Variants in VPS13C observed in about 807,000 individuals in gnomAD.
The protein encoded by VPS13C is vacuolar protein sorting 13 homolog C, also known as intermembrane lipid transfer protein VPS13C.
A neutral mutation model predicts 456.8 loss-of-function variants in VPS13C; 358 were observed. The observed-to-expected ratio is 0.78, with a 90% CI of 0.72 to 0.86. The LOEUF (loss-of-function observed/expected upper bound fraction) is 0.86, where lower values mean the gene tolerates loss of function less well. VPS13C is among the 40% of genes least tolerant of loss of function. The pLI is 0.00. For missense variants in VPS13C, 4,818 were observed against 4,385.4 expected (o/e 1.10, Z -2.79); for synonymous variants, 1,578 against 1,486.7 (o/e 1.06, Z -1.41).
intron 82 of VPS13C, among the ~76,000 whole-genome samples, chr15:61,862,812 T>C (rs1446925660): frequency 1.3e-5 from 2 of 152,184 alleles, no homozygotes; most frequent in East Asian, 1.9e-4. Flanking sequence ...AGGAATCTAA[T>C]GCAGATTTTG....
chr15:61,910,362 G>T, intron 63 of VPS13C, 57 bp from the exon 64 acceptor site: 1 of 1,263,084 alleles, frequency 7.9e-7, no homozygotes, highest in South Asian at 2.4e-5. Flanking sequence ...TAATAAATAA[G>T]ACATTACCTA....
At chr15:61,897,686 T>C (rs967118375) in intron 66 of VPS13C, among the ~76,000 whole-genome samples, 2 of 152,046 alleles carry the variant, frequency 1.3e-5, no homozygotes, top group African/African-American at 4.8e-5. Flanking sequence ...CTGCAGGATA[T>C]TATCCAGGAG....
At chr15:62,048,353 G>T (rs1210351997) in intron 1 of VPS13C, among the ~76,000 whole-genome samples, 1 of 147,444 alleles carries the variant, frequency 6.8e-6, no homozygotes, top group African/African-American at 2.5e-5. Context: ...AACATGTGGT[G>T]TTTGGTTTTT....
intron 45 of VPS13C, among the ~76,000 whole-genome samples, chr15:61,944,784 C>T (rs2044548932): frequency 6.6e-6 from 1 of 152,018 alleles, no homozygotes. Context: ...GTTGGATTAT[C>T]AACTGAAATT....
intron 52 of VPS13C, among the ~76,000 whole-genome samples, chr15:61,926,884 G>A (rs770412045): frequency 6.6e-6 from 1 of 152,104 alleles, no homozygotes; most frequent in African/African-American, 2.4e-5. Context: ...AAATAAAACC[G>A]TTCTGAAGGT....
chr15:62,008,086 G>C (rs183477604), intron 14 of VPS13C, among the ~76,000 whole-genome samples: 129 of 152,210 alleles, frequency 8.5e-4, no homozygotes, highest in African/African-American at 2.9e-3. Flanking sequence ...ACAAAAATTA[G>C]CCAGGCGTGG....
Position 61,954,474 on chromosome 15 carries a change from C to A in VPS13C, c.4246G>T (p.Glu1416Ter). Residue 1416 changes from glutamate to a stop codon, truncating the protein, a stop_gained, in exon 38 of 85, where the codon GAA becomes TAA. Transcript: ENST00000644861. LOFTEE classifies it high-confidence loss of function. ...SKNTLTTGVE[E>*]IRSVDIINML... ...TTAATGATGTCTACAGACCTAATTT[C>A]TTCCACTCCAGTTGTTAAAGTATTT... 6.2e-7 allele frequency: 1 copy of A among 1,609,612 alleles called. No individual in the cohort carries two copies. Among genetic ancestry groups the A allele is most frequent in the Non-Finnish European group, 8.5e-7 (1 of 1,178,194 alleles).
At chr15:62,002,192 C>G (rs1049398594) in intron 15 of VPS13C, among the ~76,000 whole-genome samples, 9 of 152,160 alleles carry the variant, frequency 5.9e-5, no homozygotes, top group Admixed American at 5.9e-4. Context: ...TGTTTCCTGA[C>G]GTTTTAATGA....
chr15:61,954,586 A>C, intron 37 of VPS13C, 32 bp from the exon 38 acceptor site: 1 of 1,558,812 alleles, frequency 6.4e-7, no homozygotes, highest in Non-Finnish European at 8.6e-7. Flanking sequence ...CATTACTTTT[A>C]TTCACAAATT....
chr15:61,981,205 C>G (rs1036877954), intron 22 of VPS13C, 137 bp downstream of exon 22: 10 of 1,073,468 alleles, frequency 9.3e-6, no homozygotes, highest in Middle Eastern at 2.4e-4. Context: ...ATACTCCAAG[C>G]AAGGCTTGAA....
chr15:62,034,561 C>G lies in VPS13C; in HGVS notation c.283+396G>C, dbSNP rs544675887. ...AAGAACATTCACTCAAAATCAGAAG[C>G]AACAAAATAGGAAAAAAAATAAATT... is the stretch of plus-strand genomic sequence containing the variant. On this transcript the variant is annotated intron_variant, in intron 4 of 84. Coordinates refer to ENST00000644861, the MANE Select transcript of VPS13C (RefSeq NM_020821.3). Among the ~76,000 whole-genome samples the G allele has an allele frequency of 5.7e-4, 86 of 151,440 alleles. 2 individuals carry two copies. Among genetic ancestry groups the G allele is most frequent in the Non-Finnish European group, 1.8e-4 (12 of 67,624 alleles).
intron 23 of VPS13C, 62 bp downstream of exon 23, chr15:61,978,564 A>C (rs1484146285): frequency 3.5e-5 from 55 of 1,564,744 alleles, no homozygotes; most frequent in Non-Finnish European, 4.7e-5. Context: ...ACATATATAC[A>C]CGTATATTAC....
At chr15:61,956,793 T>C (rs901423390) in intron 37 of VPS13C, among the ~76,000 whole-genome samples, 2 of 152,104 alleles carry the variant, frequency 1.3e-5, no homozygotes, top group Non-Finnish European at 1.5e-5. Context: ...AGATTGGCAA[T>C]GCCAAGTACT....
At chr15:62,039,719 A>T (rs2048179844) in intron 3 of VPS13C, among the ~76,000 whole-genome samples, 1 of 152,140 alleles carries the variant, frequency 6.6e-6, no homozygotes, top group Admixed American at 6.5e-5. Flanking sequence ...AAATGTTAGC[A>T]AGAATGTGGA....
At chr15:61,954,959 T>C (rs2140301266) in intron 37 of VPS13C, among the ~76,000 whole-genome samples, 1 of 152,180 alleles carries the variant, frequency 6.6e-6, no homozygotes, top group South Asian at 2.1e-4. Context: ...TGATAGGTTT[T>C]GCAAACAGAA....
At chr15:61,916,798 T>C (rs1010303456) in intron 60 of VPS13C, among the ~76,000 whole-genome samples, 11 of 152,158 alleles carry the variant, frequency 7.2e-5, no homozygotes, top group African/African-American at 2.4e-4. Context: ...TTTTTTATTT[T>C]CCAAGGTTTA....
chr15:61,888,317 A>C (rs902409303), intron 67 of VPS13C, among the ~76,000 whole-genome samples: 3 of 152,208 alleles, frequency 2.0e-5, no homozygotes, highest in African/African-American at 7.2e-5. Flanking sequence ...TACTTTTATC[A>C]TATGATCCAG....
intron 5 of VPS13C, among the ~76,000 whole-genome samples, chr15:62,031,120 A>C (rs1487140473): frequency 6.6e-6 from 1 of 152,138 alleles, no homozygotes; most frequent in Non-Finnish European, 1.5e-5. Context: ...CTTTCTAAAA[A>C]TGAACTCATA....
chr15:61,926,665 T>C (rs889517072), intron 52 of VPS13C, among the ~76,000 whole-genome samples: 7 of 152,188 alleles, frequency 4.6e-5, no homozygotes, highest in African/African-American at 1.7e-4. Flanking sequence ...TCGATAATAA[T>C]ATGAAAACAT....
Sources: allele counts gnomAD v4.1 joint callset (sites outside exome capture counted in the v4.1 genomes callset), GRCh38; gene constraint gnomAD v4.1.1; transcripts MANE v1.5; gene names NCBI Gene and HGNC (gene_info 2026-07-23, HGNC 2026-07-21).